The following TMCO6 variants were observed in gnomAD, a reference collection of about 807,000 sequenced individuals.
The protein encoded by TMCO6 is transmembrane and coiled-coil domains 6.
In TMCO6, 47 loss-of-function variants were observed where a neutral mutation model predicts 61.8. The ratio of observed to expected loss-of-function variants is 0.76; its 90% CI spans 0.60 to 0.97. TMCO6 has a LOEUF of 0.97. Ranked by LOEUF, TMCO6 falls within the 50% of genes least tolerant of loss-of-function variation. The probability of loss-of-function intolerance (pLI) is 0.00; values close to 1 mark genes in which losing one functional copy is unlikely to be tolerated. For synonymous variants in TMCO6, 261 were observed against 254.2 expected, an observed-to-expected ratio of 1.03 and a Z score of -0.25; for missense variants, 557 against 601.6, an observed-to-expected ratio of 0.93 and a Z score of 0.78.
Position 140,639,534 on chromosome 5 carries a change from A to G in TMCO6, c.7A>G (p.Ser3Gly), listed in dbSNP as rs1360228803. The change falls in exon 1 of 12, where the codon AGC becomes GGC. Residue 3 changes from serine (S) to glycine (G), a missense_variant. By Grantham distance (56) the Ser-to-Gly change is moderately conservative. Transcript: ENST00000394671. ...TTCCTCCTCCTGCTCCACCATGTGGAGCCGACGGCAGGGCCGCCTCAGGCC... is the reference window on the plus strand; with the variant it reads ...TTCCTCCTCCTGCTCCACCATGTGGGGCCGACGGCAGGGCCGCCTCAGGCC... MW[S>G]RRQGRLRPTV... 2 of 1,549,416 alleles carry G rather than the reference A, an allele frequency of 1.3e-6. No homozygotes were observed. Among genetic ancestry groups the G allele is most frequent in the East Asian group, 2.4e-5 (1 of 40,878 alleles).
the TMCO6 span, among the ~76,000 whole-genome samples, chr5:140,619,018 A>G: frequency 3.3e-5 from 5 of 152,246 alleles, no homozygotes; most frequent in Non-Finnish European, 7.3e-5. Flanking sequence ...GACATTGCCA[A>G]GAGAATGAAA....
chr5:140,645,639 C>T (rs767400196), downstream of TMCO6: 5 of 1,614,092 alleles, frequency 3.1e-6, no homozygotes, highest in Non-Finnish European at 4.2e-6. Flanking sequence ...CTGATCAGCA[C>T]TGAAGTTGTT....
chr5:140,609,347 G>A, the TMCO6 span: 1 of 259,350 alleles, frequency 3.9e-6, no homozygotes, highest in South Asian at 4.2e-5. Context: ...CAGGAAGCAG[G>A]AGGAGCTGAG....
chr5:140,609,645 A>G, the TMCO6 span, among the ~76,000 whole-genome samples: 1 of 131,850 alleles, frequency 7.6e-6, no homozygotes, highest in East Asian at 2.1e-4. Flanking sequence ...TCTCATACAC[A>G]CCAAAAAAAA....
At chr5:140,598,926 A>G in the TMCO6 span, among the ~76,000 whole-genome samples, 13 of 151,668 alleles carry the variant, frequency 8.6e-5, no homozygotes, top group South Asian at 2.7e-3. Flanking sequence ...ACAGACCAAG[A>G]CTCCATCTCA....
At chr5:140,604,649 A>G in the TMCO6 span, among the ~76,000 whole-genome samples, 5 of 152,156 alleles carry the variant, frequency 3.3e-5, no homozygotes, top group East Asian at 9.6e-4. Flanking sequence ...TTGCCAAATC[A>G]GAGGTCATGA....
At chr5:140,644,447 T>G in intron 10 of TMCO6, 126 bp from the exon 11 acceptor site, 2 of 1,154,572 alleles carry the variant, frequency 1.7e-6, no homozygotes, top group Non-Finnish European at 2.5e-6. Flanking sequence ...TGTAGGAGTA[T>G]GAGAACATGT....
the TMCO6 span, chr5:140,631,727 G>A: frequency 4.6e-6 from 4 of 861,546 alleles, no homozygotes; most frequent in South Asian, 1.7e-5. Context: ...TGAATGACAC[G>A]GACCCGTTGT....
the TMCO6 span, among the ~76,000 whole-genome samples, chr5:140,612,681 C>T: frequency 2.0e-5 from 3 of 152,196 alleles, no homozygotes; most frequent in African/African-American, 7.2e-5. Context: ...GCCCTGCACC[C>T]CGACCTCCGA....
At chr5:140,632,371 G>C in the TMCO6 span, 1 of 1,614,186 alleles carries the variant, frequency 6.2e-7, no homozygotes, top group Non-Finnish European at 8.5e-7. This position sits in a 1 kb window ranked among gnomAD's most constrained non-coding sequence, Gnocchi z 6.2. Flanking sequence ...CCCAGTCCAG[G>C]ATTGTCAGAC....
At chr5:140,632,405 G>A in the TMCO6 span, 2 of 1,614,186 alleles carry the variant, frequency 1.2e-6, no homozygotes, top group Non-Finnish European at 1.7e-6. The surrounding 1 kb of genome is among the most constrained non-coding windows in gnomAD (Gnocchi z 6.2). Context: ...TAAGGGCCGG[G>A]AAGGCGCGAA....
At chr5:140,606,693 G>A in the TMCO6 span, among the ~76,000 whole-genome samples, 80 of 152,220 alleles carry the variant, frequency 5.3e-4, no homozygotes, top group African/African-American at 1.8e-3. Context: ...TTGGGAGGCC[G>A]AGGCAGGCAG....
chr5:140,644,504 A>G, intron 10 of TMCO6, 69 bp from the exon 11 acceptor site: 1 of 1,568,278 alleles, frequency 6.4e-7, no homozygotes, highest in Non-Finnish European at 8.7e-7. Flanking sequence ...TCACCATGTC[A>G]TATATTTTAG....
At chr5:140,604,978 G>T in the TMCO6 span, among the ~76,000 whole-genome samples, 1 of 152,072 alleles carries the variant, frequency 6.6e-6, no homozygotes, top group Non-Finnish European at 1.5e-5. Context: ...ACATTGAAGG[G>T]ATGTCTTTCC....
chr5:140,646,961 G>C, downstream of TMCO6: 1 of 316,148 alleles, frequency 3.2e-6, no homozygotes, highest in Admixed American at 4.7e-5. Context: ...ACGTTATTTG[G>C]AGAAACTATA....
At position 140,642,615 on chromosome 5, in the gene TMCO6, C is replaced by T. The variant is rs202097501; in HGVS notation, c.633C>T (p.Leu211=). ...QSPHVAVLEA[L]GYALSQLLQA... ...CCCATGTGGCTGTGCTGGAAGCTCT[C>T]GGATATGCCTTGTCCCAGCTTCTAC... Residue 211 remains leucine (L), a synonymous_variant, in exon 6 of 12, where the codon CTC becomes CTT. Coordinates refer to ENST00000394671, the MANE Select transcript of TMCO6 (RefSeq NM_018502.5). The T allele has an allele frequency of 4.3e-5, 69 of 1,614,238 alleles. No individual in the cohort carries two copies. The highest frequency in any genetic ancestry group is 1.6e-4 in the Middle Eastern group (1 of 6,062).
At chr5:140,630,106 G>C in the TMCO6 span, among the ~76,000 whole-genome samples, 1 of 151,186 alleles carries the variant, frequency 6.6e-6, no homozygotes, top group Non-Finnish European at 1.5e-5. Context: ...CAATTCTCCT[G>C]CCTCAGCCTC....
downstream of TMCO6, chr5:140,647,441 T>C (rs1052307009): frequency 4.4e-6 from 7 of 1,607,420 alleles, no homozygotes; most frequent in Non-Finnish European, 5.9e-6. Flanking sequence ...GTCGTGACCC[T>C]GGCGTCCCGA....
downstream of TMCO6, among the ~76,000 whole-genome samples, chr5:140,646,433 T>G (rs1156544605): frequency 1.3e-5 from 2 of 152,168 alleles, no homozygotes; most frequent in African/African-American, 4.8e-5. Flanking sequence ...GCTTTTTTCC[T>G]TCTCCAATTA....
Sources: gnomAD v4.1 joint callset for allele counts (sites outside exome capture counted in the v4.1 genomes callset) on GRCh38, gnomAD v4.1.1 for gene constraint, Gnocchi (gnomAD v3.1) non-coding constraint, MANE v1.5 for transcripts, NCBI Gene and HGNC (gene_info 2026-07-23, HGNC 2026-07-21) for gene names.